FUBP3: variants seen among roughly 807,000 people sequenced by gnomAD.
FUBP3 encodes the protein far upstream element-binding protein 3.
Under a neutral mutation model 85.6 loss-of-function variants are expected in FUBP3, and 28 were observed. That is an observed-to-expected ratio of 0.33 (90% CI 0.24 to 0.45). FUBP3 has a LOEUF of 0.45. Ranked by LOEUF, FUBP3 falls within the 20% of genes least tolerant of loss-of-function variation. The pLI is 1.00. For missense variants in FUBP3, 583 were observed against 755.1 expected, an observed-to-expected ratio of 0.77 and a Z score of 2.67; for synonymous variants, 271 against 271.4, an observed-to-expected ratio of 1.00 and a Z score of 0.01.
rs566860033 is a variant in FUBP3, at chr9:130,608,164, C to T, written c.191-1790C>T. ...TGAGACAGAAATTTCTGAAGATCAT[C>T]GGCCCTTTGACATCCTTTACCAAAC... On this transcript the variant is annotated intron_variant, in intron 2 of 18. Transcript: ENST00000319725. 8.3e-4 allele frequency among the ~76,000 whole-genome samples: 127 copies of T among 152,266 alleles called. No homozygotes were observed. The South Asian group carries it at 0.026, about 31-fold the overall frequency.
intron 1 of FUBP3, chr9:130,580,777 G>T (rs1830102447): frequency 6.6e-6 from 1 of 152,164 alleles, no homozygotes; most frequent in Non-Finnish European, 1.5e-5. Context: ...CCTGATAACT[G>T]ACTTTTCATG....
intron 16 of FUBP3, 85 bp downstream of exon 16, chr9:130,632,363 C>T: frequency 1.9e-6 from 2 of 1,053,260 alleles, no homozygotes; most frequent in Admixed American, 3.7e-5. Context: ...CCTCGTTCAA[C>T]TCAGCCAGCA....
intron 1 of FUBP3, among the ~76,000 whole-genome samples, chr9:130,591,337 G>A (rs186617586): frequency 2.0e-5 from 3 of 152,248 alleles, no homozygotes; most frequent in Admixed American, 6.5e-5. Flanking sequence ...CAGCTACTCG[G>A]GAGGCTGAGG....
intron 2 of FUBP3, chr9:130,596,610 C>T (rs1249793751): frequency 5.0e-6 from 2 of 402,978 alleles, no homozygotes; most frequent in Admixed American, 3.1e-5. Context: ...GATCCTCCCA[C>T]CTCGGCTTCC....
At chr9:130,596,726 A>G in intron 2 of FUBP3, 1 of 375,678 alleles carries the variant, frequency 2.7e-6, no homozygotes, top group Non-Finnish European at 5.4e-6. Flanking sequence ...AATAAACCCT[A>G]TGTTAAGGTT....
intron 1 of FUBP3, chr9:130,581,438 C>T (rs1270794648): frequency 2.6e-5 from 4 of 152,200 alleles, no homozygotes; most frequent in Non-Finnish European, 5.9e-5. Context: ...AAGTGTGTTC[C>T]TTCTGAATGT....
At chr9:130,627,672 A>T (rs531611202) in intron 12 of FUBP3, among the ~76,000 whole-genome samples, 9 of 152,322 alleles carry the variant, frequency 5.9e-5, no homozygotes, top group Non-Finnish European at 4.4e-5. Flanking sequence ...GGGATATTGC[A>T]GGCTGCACCA....
At chr9:130,579,902 C>G (rs1173507603) in intron 1 of FUBP3, 138 bp downstream of exon 1, 1 of 502,030 alleles carries the variant, frequency 2.0e-6, no homozygotes, top group Admixed American at 4.4e-5. Flanking sequence ...CGTGGAGTTC[C>G]TACAGCCGGG....
At chr9:130,609,429 A>C (rs1831630318) in intron 2 of FUBP3, among the ~76,000 whole-genome samples, 1 of 100,458 alleles carries the variant, frequency 1.0e-5, no homozygotes, top group Non-Finnish European at 1.8e-5. Context: ...TCAGATGCTT[A>C]TGGTCTTGGG....
chr9:130,623,750 A>G lies in FUBP3; in HGVS notation c.975+39A>G, dbSNP rs768300430. 6 of 1,382,534 alleles carry G rather than the reference A, an allele frequency of 4.3e-6. No homozygotes were observed. In the Admixed American group the frequency reaches 6.7e-5, roughly 16 times the overall value. 85.6% of individuals were successfully genotyped at this position (1,382,534 alleles called of 1,614,324 possible). On this transcript the variant is annotated intron_variant, in intron 11 of 18. Transcript: ENST00000319725. Reference sequence around the variant, plus strand: ...TGCAGAGTGTGAGTGTTTGGGCTGCAGAAGTGGAAAGTGCTACCCGGGGCT... The same window carrying G: ...TGCAGAGTGTGAGTGTTTGGGCTGCGGAAGTGGAAAGTGCTACCCGGGGCT...
At chr9:130,584,953 A>G (rs1396688536) in intron 1 of FUBP3, among the ~76,000 whole-genome samples, 2 of 152,192 alleles carry the variant, frequency 1.3e-5, no homozygotes, top group African/African-American at 4.8e-5. Context: ...ACTTGAGGTC[A>G]GGATGAGACC....
rs1173621835 is a variant in FUBP3 at position 130,631,956 on chromosome 9, G to A, written c.1367G>A (p.Arg456Lys). ...CCTTTTCCCAGTACCTTTCCTCCAA[G>A]GAGCTCCGGGTGCTTCCCAAACATG... ...APPHQNTFPPRSSGCFPNMAA... is the reference protein window; with the variant it reads ...APPHQNTFPPKSSGCFPNMAA... The change falls in exon 15 of 19, where the codon AGG becomes AAG. Residue 456 changes from arginine to lysine, a missense_variant. Arg to Lys is a conservative substitution (Grantham distance 26). Around this residue, in one of 3 missense-constraint regions of FUBP3, gnomAD observed 404 missense variants for 516.8 expected, o/e 0.78. Transcript: ENST00000319725. 1.2e-6 allele frequency: 2 copies of A among 1,612,720 alleles called. No homozygotes were observed. Among genetic ancestry groups the A allele is most frequent in the Non-Finnish European group, 8.5e-7 (1 of 1,178,776 alleles).
At chr9:130,590,556 C>T (rs745308148) in intron 1 of FUBP3, among the ~76,000 whole-genome samples, 7 of 152,216 alleles carry the variant, frequency 4.6e-5, no homozygotes, top group African/African-American at 7.2e-5. Flanking sequence ...CTCAGGGTCA[C>T]GCTTGCAGAT....
chr9:130,623,198 G>A (rs889797149), intron 10 of FUBP3, among the ~76,000 whole-genome samples: 4 of 152,078 alleles, frequency 2.6e-5, no homozygotes, highest in African/African-American at 9.7e-5. Flanking sequence ...AAACATCTTA[G>A]AATAAAGGAC....
rs758623418 is a variant in FUBP3, at chr9:130,617,883, A to G, written c.654A>G (p.Ala218=). 10 of 1,575,900 alleles carry G rather than the reference A, an allele frequency of 6.3e-6. No homozygotes were observed. In the African/African-American group the frequency reaches 1.2e-4, roughly 19 times the overall value. ...AGCCTCTTCGTATCACTGGAGATGC[A>G]TTTAAAGTACAGGTAGGAAAGTGCC... The part of the protein sequence containing the change: ...ADKPLRITGD[A]FKVQQAREMV... Residue 218 remains alanine (A), a synonymous_variant, in exon 8 of 19, where the codon GCA becomes GCG. Transcript: ENST00000319725.
chr9:130,610,036 T>C, intron 3 of FUBP3, 49 bp downstream of exon 3: 1 of 1,353,952 alleles, frequency 7.4e-7, no homozygotes, highest in Non-Finnish European at 1.1e-6. Flanking sequence ...TCTAATTGTT[T>C]ATTGATCCAC....
intron 5 of FUBP3, 130 bp downstream of exon 5, chr9:130,613,157 T>A: frequency 1.6e-6 from 1 of 638,620 alleles, no homozygotes; most frequent in Non-Finnish European, 2.8e-6. Context: ...CTTTGGGAGT[T>A]GGACTCCTAA....
In FUBP3 at chr9:130,623,739, GT is replaced by G. The variant is rs763021421; in HGVS notation, c.975+31del. ...GGGTCCAGCTCTGCAGAGTGTGAGT[GT>G]TTGGGCTGCAGAAGTGGAAAGTGCT... On this transcript the variant is annotated intron_variant, in intron 11 of 18. Transcript: ENST00000319725. 6.8e-5 allele frequency: 102 copies of G among 1,489,722 alleles called. 1 individual carries two copies. In the East Asian group the frequency reaches 2.3e-3, roughly 33 times the overall value. 92.3% of individuals were successfully genotyped at this position (1,489,722 alleles called of 1,614,324 possible). A position where few individuals can be genotyped will look rare whatever the true frequency, so the allele number is the denominator to read the frequency against.
Position 130,606,795 on chromosome 9 carries a change from G to A in FUBP3, c.191-3159G>A, listed in dbSNP as rs1168957346. ...AGATCACGCCTTTGCACTCCAGCCT[G>A]GGCAAGAAGAGCGAGACTCTGTCTC... On this transcript the variant is annotated intron_variant, in intron 2 of 18. Coordinates refer to ENST00000319725, the MANE Select transcript of FUBP3 (RefSeq NM_003934.2). Among the ~76,000 whole-genome samples, 4 of 151,832 alleles carry A rather than the reference G, an allele frequency of 2.6e-5. No homozygotes were observed. In the East Asian group the frequency reaches 5.8e-4, roughly 22 times the overall value.
Sources: allele counts gnomAD v4.1 joint callset (sites outside exome capture counted in the v4.1 genomes callset), GRCh38; gene constraint gnomAD v4.1.1; regional missense constraint gnomAD v4.1.1; transcripts MANE v1.5; gene names NCBI Gene and HGNC (gene_info 2026-07-23, HGNC 2026-07-21).